The following ZMYM4 variants were observed in gnomAD, a reference collection of about 807,000 sequenced individuals.
ZMYM4 encodes zinc finger MYM-type protein 4.
A neutral mutation model predicts 183.2 loss-of-function variants in ZMYM4; 31 were observed. The observed-to-expected ratio is 0.17, with a 90% CI of 0.13 to 0.23. The LOEUF is 0.23. ZMYM4 is among the 10% of genes least tolerant of loss of function. The pLI is 1.00. For synonymous variants in ZMYM4, 592 were observed against 631.2 expected (o/e 0.94, Z 0.93); for missense variants, 1,273 against 1,840.3 (o/e 0.69, Z 5.64).
intron 1 of ZMYM4, among the ~76,000 whole-genome samples, chr1:35,311,767 A>G (rs529671206): frequency 9.1e-4 from 139 of 152,374 alleles, no homozygotes; most frequent in Admixed American, 4.5e-3. Flanking sequence ...AAATAAAGCA[A>G]TAGTCTATAT....
intron 9 of ZMYM4, among the ~76,000 whole-genome samples, chr1:35,382,910 ACTT>A (rs1570488040): frequency 6.6e-6 from 1 of 152,160 alleles, no homozygotes; most frequent in Non-Finnish European, 1.5e-5. Flanking sequence ...TTGCATATAT[ACTT>A]CTTATTTGAC....
intron 1 of ZMYM4, among the ~76,000 whole-genome samples, chr1:35,308,002 T>A (rs1450473601): frequency 6.6e-6 from 1 of 151,610 alleles, no homozygotes; most frequent in African/African-American, 2.4e-5. Flanking sequence ...GCTAATTTTT[T>A]AATTTTTTTG....
intron 2 of ZMYM4, among the ~76,000 whole-genome samples, chr1:35,330,126 G>C (rs756868160): frequency 3.3e-5 from 5 of 151,322 alleles, no homozygotes; most frequent in Non-Finnish European, 7.4e-5. Flanking sequence ...GAGTCAGGAG[G>C]ATTGATTGAG....
At chr1:35,279,626 T>G (rs1640045288) in intron 1 of ZMYM4, among the ~76,000 whole-genome samples, 1 of 152,226 alleles carries the variant, frequency 6.6e-6, no homozygotes, top group Non-Finnish European at 1.5e-5. Flanking sequence ...AATTTATCTC[T>G]TTCTTCTTGT....
In ZMYM4 at chr1:35,331,012, T is replaced by C. The variant is rs527672862; in HGVS notation, c.85+5607T>C. On this transcript the variant is annotated intron_variant, in intron 2 of 29. Transcript: ENST00000314607. The stretch of plus-strand genomic sequence containing the variant: ...ATCAGTTTGTGTCTGAATTATAATG[T>C]ATCTGCCTTATCAATGCAGTTCAAT... 2.3e-3 allele frequency among the ~76,000 whole-genome samples: 346 copies of C among 152,356 alleles called. 1 individual carries two copies. The highest frequency in any genetic ancestry group is 3.8e-3 in the Non-Finnish European group (258 of 68,040).
chr1:35,311,898 C>CT (rs1055461391), intron 1 of ZMYM4, among the ~76,000 whole-genome samples: 2 of 151,054 alleles, frequency 1.3e-5, no homozygotes, highest in African/African-American at 4.9e-5. Flanking sequence ...TTTCTTTTTC[C>CT]TTTTTTTTCG....
intron 25 of ZMYM4, 39 bp downstream of exon 25, chr1:35,405,507 T>A: frequency 7.0e-7 from 1 of 1,431,512 alleles, no homozygotes; most frequent in Non-Finnish European, 9.6e-7. Flanking sequence ...GAATTATTTA[T>A]ATTATTATTG....
At chr1:35,344,744 A>C (rs1447904042) in intron 2 of ZMYM4, among the ~76,000 whole-genome samples, 2 of 152,132 alleles carry the variant, frequency 1.3e-5, no homozygotes, top group African/African-American at 4.8e-5. Flanking sequence ...TTAAGTATTT[A>C]TGCTAATATT....
At chr1:35,323,474 C>G (rs1054769779) in intron 1 of ZMYM4, among the ~76,000 whole-genome samples, 2 of 152,130 alleles carry the variant, frequency 1.3e-5, no homozygotes, top group African/African-American at 4.8e-5. Flanking sequence ...GGATTCTTCT[C>G]AGTGTAGGCA....
Position 35,418,499 on chromosome 1 carries a change from G to A in ZMYM4, c.4366G>A (p.Val1456Met). Reference sequence around the variant, plus strand: ...TGAAGATGATGAGGTTCCAGTGGGGGTGGAGATGGCAGAGAATACTGACAA... The same window carrying A: ...TGAAGATGATGAGGTTCCAGTGGGGATGGAGATGGCAGAGAATACTGACAA... ...RNEDDEVPVG[V>M]EMAENTDNPL... is the part of the protein sequence containing the mutation. The change falls in exon 29 of 30, where the codon GTG (valine) becomes ATG (methionine). Residue 1456 changes from valine (V) to methionine (M), a missense_variant. By Grantham distance (21) the Val-to-Met change is conservative. Coordinates refer to ENST00000314607, the MANE Select transcript of ZMYM4 (RefSeq NM_005095.3). The A allele has an allele frequency of 6.2e-7, 1 of 1,614,080 alleles. No individual in the cohort carries two copies. The highest frequency in any genetic ancestry group is 8.5e-7 in the Non-Finnish European group (1 of 1,179,968).
At chr1:35,316,388 C>G (rs1196365226) in intron 1 of ZMYM4, among the ~76,000 whole-genome samples, 1 of 152,212 alleles carries the variant, frequency 6.6e-6, no homozygotes, top group Non-Finnish European at 1.5e-5. Flanking sequence ...TGCCAGTTCT[C>G]TAACAACACA....
At chr1:35,343,232 A>G (rs1197515471) in intron 2 of ZMYM4, among the ~76,000 whole-genome samples, 6 of 152,150 alleles carry the variant, frequency 3.9e-5, no homozygotes, top group African/African-American at 7.2e-5. Context: ...TTTATGGTCT[A>G]TGCTGTGTTC....
intron 1 of ZMYM4, among the ~76,000 whole-genome samples, chr1:35,314,720 A>G (rs1294581646): frequency 6.0e-5 from 5 of 83,384 alleles, no homozygotes; most frequent in Admixed American, 5.3e-4. Context: ...CTTTTGTGAA[A>G]AGAAGTCATT....
At chr1:35,367,297 G>A (rs1225371205) in intron 5 of ZMYM4, among the ~76,000 whole-genome samples, 2 of 151,490 alleles carry the variant, frequency 1.3e-5, no homozygotes, top group Admixed American at 1.3e-4. Flanking sequence ...TTGGCTCGCT[G>A]CAACCTCTGC....
Position 35,419,774 on chromosome 1 carries a change from T to C in ZMYM4, c.*97T>C. Reference sequence around the variant, plus strand: ...AATGATGTATAAGTCTAAGTCCTCTTGACTTGACCATAAGATCATGGAAAA... The same window carrying C: ...AATGATGTATAAGTCTAAGTCCTCTCGACTTGACCATAAGATCATGGAAAA... On this transcript the variant is annotated 3_prime_UTR_variant, in exon 30 of 30. Coordinates refer to ENST00000314607, the MANE Select transcript of ZMYM4 (RefSeq NM_005095.3). 8.2e-7 allele frequency: 1 copy of C among 1,224,892 alleles called. No homozygotes were observed. The highest frequency in any genetic ancestry group is 1.3e-5 in the South Asian group (1 of 74,494). The allele number at this position is 1,224,892 out of a possible 1,614,324, so 75.9% of individuals were successfully genotyped here.
intron 2 of ZMYM4, among the ~76,000 whole-genome samples, chr1:35,357,061 A>AT (rs916637733): frequency 5.3e-5 from 8 of 151,644 alleles, no homozygotes; most frequent in Admixed American, 3.3e-4. Flanking sequence ...TTAAAACAAA[A>AT]TTTTTTTTTG....
intron 1 of ZMYM4, among the ~76,000 whole-genome samples, chr1:35,277,387 T>G (rs1365507196): frequency 6.6e-6 from 1 of 152,194 alleles, no homozygotes; most frequent in Non-Finnish European, 1.5e-5. Context: ...GGTGCTATAA[T>G]GATTACACAG....
Position 35,387,176 on chromosome 1 carries a change from T to C in ZMYM4, c.2010T>C (p.Ala670=). Residue 670 remains alanine (A), a synonymous_variant, in exon 12 of 30, where the codon GCT becomes GCC. Coordinates refer to ENST00000314607, the MANE Select transcript of ZMYM4 (RefSeq NM_005095.3). The part of the protein sequence containing the change: ...SSAAAGLQRL[A]AQSQHVGFAR... ...CTGCAGCTGGTCTCCAGCGTCTCGC[T>C]GCCCAGTCCCAGCATGTTGGGTTTG... 6.2e-7 allele frequency: 1 copy of C among 1,614,270 alleles called. No individual in the cohort carries two copies. Among genetic ancestry groups the C allele is most frequent in the Non-Finnish European group, 8.5e-7 (1 of 1,180,048 alleles).
At chr1:35,324,219 G>T (rs1420831727) in intron 1 of ZMYM4, among the ~76,000 whole-genome samples, 3 of 151,720 alleles carry the variant, frequency 2.0e-5, no homozygotes, top group Non-Finnish European at 4.4e-5. Flanking sequence ...CTTTGATATT[G>T]CTGTTAGACT....
Sources: gnomAD v4.1 joint callset for allele counts (sites outside exome capture counted in the v4.1 genomes callset) on GRCh38, gnomAD v4.1.1 for gene constraint, MANE v1.5 for transcripts, NCBI Gene and HGNC (gene_info 2026-07-23, HGNC 2026-07-21) for gene names.